CCDC57: variants seen among roughly 807,000 people sequenced by gnomAD.
The protein encoded by CCDC57 is coiled-coil domain-containing protein 57.
CCDC57 carries 118 observed loss-of-function variants against 118.9 expected under a neutral mutation model. That is an observed-to-expected ratio of 0.99 (90% CI 0.86 to 1.16). CCDC57 has a LOEUF of 1.16. Ranked by LOEUF, CCDC57 falls within the 50% of genes most tolerant of loss-of-function variation. The probability of loss-of-function intolerance (pLI) is 0.00; values close to 1 mark genes in which losing one functional copy is unlikely to be tolerated. For missense variants in CCDC57, 1,300 were observed against 1,320.7 expected (o/e 0.98, Z 0.24); for synonymous variants, 527 against 532.9 (o/e 0.99, Z 0.15).
chr17:82,204,785 GA>G (rs1055108758), intron 2 of CCDC57, among the ~76,000 whole-genome samples: 18 of 147,728 alleles, frequency 1.2e-4, no homozygotes, highest in East Asian at 9.9e-4. Flanking sequence ...TCCATCTCAA[GA>G]AAAAAAAAAG....
intron 17 of CCDC57, among the ~76,000 whole-genome samples, chr17:82,130,621 G>C (rs1456566203): frequency 6.7e-6 from 1 of 149,270 alleles, no homozygotes; most frequent in African/African-American, 2.5e-5. Context: ...TCCTGCCTCA[G>C]CCTCCCGAGT....
At chr17:82,146,212 G>A (rs2040715747) in intron 16 of CCDC57, among the ~76,000 whole-genome samples, 3 of 152,112 alleles carry the variant, frequency 2.0e-5, no homozygotes, top group South Asian at 2.1e-4. Context: ...GCTGTCCCAC[G>A]TTGAATAATG....
rs545765944 is a variant in CCDC57 at position 82,113,432 on chromosome 17, G to A, written c.2900-11566C>T. The A allele has an allele frequency of 1.0e-4, 74 of 717,668 alleles. No individual in the cohort carries two copies. The South Asian group carries it at 1.0e-3, about 10-fold the overall frequency. The allele number at this position is 717,668 out of a possible 1,614,324, so 44.5% of individuals were successfully genotyped here. ...GACTAGAACGACAGGAGCAGGTAGTGAGAAACAAGAGAGCAGGGTCCTCTC... is the reference window on the plus strand; with the variant it reads ...GACTAGAACGACAGGAGCAGGTAGTAAGAAACAAGAGAGCAGGGTCCTCTC... On this transcript the variant is annotated intron_variant, in intron 19 of 19. Coordinates refer to ENST00000665763, the Ensembl canonical transcript of CCDC57.
chr17:82,180,709 T>G (rs1003529428), intron 9 of CCDC57, among the ~76,000 whole-genome samples: 1 of 152,206 alleles, frequency 6.6e-6, no homozygotes, highest in African/African-American at 2.4e-5. Flanking sequence ...TCTCCTGACC[T>G]CGTGATCCGC....
chr17:82,132,275 C>T (rs2038510423), intron 17 of CCDC57, among the ~76,000 whole-genome samples: 1 of 152,078 alleles, frequency 6.6e-6, no homozygotes, highest in Non-Finnish European at 1.5e-5. Flanking sequence ...GAACAGACAA[C>T]TCATTGGAAC....
intron 19 of CCDC57, among the ~76,000 whole-genome samples, chr17:82,102,751 G>A (rs563070696): frequency 1.3e-4 from 20 of 152,210 alleles, no homozygotes; most frequent in Admixed American, 3.9e-4. Context: ...CGGGCACGGT[G>A]GCGGGCACCT....
chr17:82,186,354 G>C (rs143909900), intron 8 of CCDC57, among the ~76,000 whole-genome samples: 1 of 152,324 alleles, frequency 6.6e-6, no homozygotes, highest in African/African-American at 2.4e-5. Context: ...GGGGGGCCAA[G>C]GTTAGGCGCA....
chr17:82,148,807 A>G lies in CCDC57; in HGVS notation c.2455+2753T>C, dbSNP rs1216044278. 1.3e-3 allele frequency among the ~76,000 whole-genome samples: 31 copies of G among 22,982 alleles called. No individual in the cohort carries two copies. The East Asian group carries it at 0.035, about 26-fold the overall frequency. The allele number at this position is 22,982 out of a possible 152,430, so 15.1% of individuals were successfully genotyped here. ...GGGTGGATAGATGGTAGATGGATGGATGGGTGGGTGGGTGGATGGATGGGT... is the reference window on the plus strand; with the variant it reads ...GGGTGGATAGATGGTAGATGGATGGGTGGGTGGGTGGGTGGATGGATGGGT... On this transcript the variant is annotated intron_variant, in intron 16 of 19. Transcript: ENST00000665763.
At position 82,118,843 on chromosome 17, in the gene CCDC57, T is replaced by C. The variant is rs986398713; in HGVS notation, c.2899+8849A>G. On this transcript the variant is annotated intron_variant, in intron 19 of 19. Coordinates refer to ENST00000665763, the Ensembl canonical transcript of CCDC57. The surrounding 1 kb of genome is among the most constrained non-coding windows in gnomAD (Gnocchi z 4.7). The stretch of plus-strand genomic sequence containing the variant: ...TAGAAATCTGTGATTTCTTCACCCG[T>C]ATCTAAGGTTAACCCTCTTCCGGCC... Among the ~76,000 whole-genome samples, 1 of 151,978 alleles carries C rather than the reference T, an allele frequency of 6.6e-6. No individual in the cohort carries two copies. Among genetic ancestry groups the C allele is most frequent in the Non-Finnish European group, 1.5e-5 (1 of 68,000 alleles).
chr17:82,195,342 G>T lies in CCDC57; in HGVS notation c.539C>A (p.Ser180Ter). The T allele has an allele frequency of 6.3e-7, 1 of 1,597,392 alleles. No homozygotes were observed. The highest frequency in any genetic ancestry group is 1.7e-5 in the Admixed American group (1 of 57,646). The change falls in exon 5 of 20, where the codon TCG becomes TAG. Residue 180 changes from serine to a stop codon, truncating the protein, a stop_gained. Transcript: ENST00000665763. LOFTEE classifies it high-confidence loss of function. Reference sequence around the variant, plus strand: ...TTCGTGCTCCCTCTTCCGCATTTTCGATTCAAACTCCAGCAGCAGTTCCTG... The same window carrying T: ...TTCGTGCTCCCTCTTCCGCATTTTCTATTCAAACTCCAGCAGCAGTTCCTG...
intron 19 of CCDC57, chr17:82,106,140 A>G (rs1207047948): frequency 6.6e-6 from 1 of 152,342 alleles, no homozygotes; most frequent in African/African-American, 2.4e-5. Context: ...GTGTTGCCCA[A>G]TGTGGGCCCC....
chr17:82,204,176 G>A (rs892457116), intron 2 of CCDC57, among the ~76,000 whole-genome samples: 5 of 151,998 alleles, frequency 3.3e-5, no homozygotes, highest in African/African-American at 9.7e-5. Flanking sequence ...CAACCCCCGC[G>A]CCCAGCACCC....
At chr17:82,157,429 A>G (rs1168128937) in intron 15 of CCDC57, 1 of 1,321,986 alleles carries the variant, frequency 7.6e-7, no homozygotes, top group Non-Finnish European at 9.7e-7. Context: ...TAAAGCAAAC[A>G]TGAGCCACCT....
At chr17:82,160,264 A>T (rs1446937128) in intron 14 of CCDC57, 1 of 152,398 alleles carries the variant, frequency 6.6e-6, no homozygotes, top group Non-Finnish European at 1.5e-5. Flanking sequence ...GACATGATCA[A>T]CAGGACTGGA....
Position 82,127,805 on chromosome 17 carries a change from C to T in CCDC57, c.2786G>A (p.Arg929His), listed in dbSNP as rs776361582. The change falls in exon 19 of 20, where the codon CGC becomes CAC. Residue 929 changes from arginine to histidine, a missense_variant. Coordinates refer to ENST00000665763, the Ensembl canonical transcript of CCDC57. ...AAAGGAGGAGGAGCTGTGGGATTGGCGACCATGCTCCTCAGGGTGCTGGGG... is the reference window on the plus strand; with the variant it reads ...AAAGGAGGAGGAGCTGTGGGATTGGTGACCATGCTCCTCAGGGTGCTGGGG... 9.3e-6 allele frequency: 15 copies of T among 1,612,862 alleles called. No individual in the cohort carries two copies. Among genetic ancestry groups the T allele is most frequent in the South Asian group, 5.5e-5 (5 of 91,000 alleles).
chr17:82,139,624 G>A (rs1359711203), intron 16 of CCDC57, among the ~76,000 whole-genome samples: 1 of 152,126 alleles, frequency 6.6e-6, no homozygotes, highest in Non-Finnish European at 1.5e-5. Context: ...CCAAAGTGCT[G>A]GGATTACAGG....
intron 11 of CCDC57, among the ~76,000 whole-genome samples, chr17:82,174,677 G>A (rs1034921489): frequency 6.6e-6 from 1 of 152,182 alleles, no homozygotes; most frequent in Non-Finnish European, 1.5e-5. Context: ...GTTCGTGTCC[G>A]GCATAGCATC....
chr17:82,199,240 G>A (rs896585052), intron 3 of CCDC57, among the ~76,000 whole-genome samples: 3 of 151,984 alleles, frequency 2.0e-5, no homozygotes, highest in Non-Finnish European at 2.9e-5. Context: ...CGCTTTGGGA[G>A]GCCAAGGCAG....
At position 82,162,166 on chromosome 17, in the gene CCDC57, A is replaced by AT. The variant is rs1488252218; in HGVS notation, c.2040+1033dup. On this transcript the variant is annotated intron_variant, in intron 14 of 19. Transcript: ENST00000665763. ...GGGTACCCGCCACCACTCCCGGCTAATTTTTTGTATTTTATAGAGATGGGG... is the reference window on the plus strand; with the variant it reads ...GGGTACCCGCCACCACTCCCGGCTAATTTTTTTGTATTTTATAGAGATGGGG... Among the ~76,000 whole-genome samples, 7 of 151,948 alleles carry AT rather than the reference A, an allele frequency of 4.6e-5. No homozygotes were observed. The East Asian group carries it at 1.4e-3, about 29-fold the overall frequency.
Sources: gnomAD v4.1 joint callset for allele counts (sites outside exome capture counted in the v4.1 genomes callset) on GRCh38, gnomAD v4.1.1 for gene constraint, Gnocchi (gnomAD v3.1) non-coding constraint, MANE v1.5 for transcripts, NCBI Gene and HGNC (gene_info 2026-07-23, HGNC 2026-07-21) for gene names.